Variants in RRBP1 observed in about 807,000 individuals in gnomAD.
RRBP1 encodes the protein ribosome binding protein 1.
In RRBP1, 94 loss-of-function variants were observed where a neutral mutation model predicts 165.2. The observed-to-expected ratio is 0.57, with a 90% CI of 0.48 to 0.68. RRBP1 has a LOEUF of 0.68. RRBP1 is among the 30% of genes least tolerant of loss of function. RRBP1 has a pLI of 0.00. For synonymous variants in RRBP1, 680 were observed against 714.5 expected (o/e 0.95, Z 0.77); for missense variants, 1,676 against 1,763.0 (o/e 0.95, Z 0.88).
rs2035763303 is a variant in RRBP1, at chr20:17,614,817, C to G, written c.4114G>C (p.Glu1372Gln). The change falls in exon 24 of 25, where the codon GAG becomes CAG. Residue 1372 changes from glutamate (E) to glutamine (Q), a missense_variant. Glu to Gln is a conservative substitution (Grantham distance 29, BLOSUM62 2). Transcript: ENST00000377813. Reference sequence around the variant, plus strand: ...TGCTCCTGGGTCGTCTTCAGAAGCTCCTGCAGTCTCGTGGCGGCGCGCCCC... The same window carrying G: ...TGCTCCTGGGTCGTCTTCAGAAGCTGCTGCAGTCTCGTGGCGGCGCGCCCC... ...DLGRAATRLQ[E>Q]LLKTTQEQLA... 6.2e-7 allele frequency: 1 copy of G among 1,613,772 alleles called. No individual in the cohort carries two copies.
chr20:17,618,641 A>T lies in RRBP1; in HGVS notation c.3714T>A (p.Asp1238Glu). 6.2e-7 allele frequency: 1 copy of T among 1,614,082 alleles called. No homozygotes were observed. ...QLLLESQSQLDAAKSEAQKQS... is the reference protein window; with the variant it reads ...QLLLESQSQLEAAKSEAQKQS... ...GTTTCTGGGCTTCGCTCTTGGCGGC[A>T]TCGAGCTGAGATTGAGATTCTAGGA... is the stretch of plus-strand genomic sequence containing the variant. The change falls in exon 20 of 25, where the codon GAT becomes GAA. Residue 1238 changes from aspartate (D) to glutamate (E), a missense_variant. Physicochemically the swap from Asp to Glu is conservative, Grantham distance 45. This residue lies in a region of RRBP1 where 1,184 missense variants were observed against 1,167.1 expected (regional missense o/e 1.01). Coordinates refer to ENST00000377813, the MANE Select transcript of RRBP1 (RefSeq NM_001365613.2).
At chr20:17,625,634 C>T (rs767188040) in intron 11 of RRBP1, 32 bp from the exon 12 acceptor site, 20 of 1,578,036 alleles carry the variant, frequency 1.3e-5, no homozygotes, top group Non-Finnish European at 1.6e-5. Flanking sequence ...ACCGCCTAGG[C>T]TCCAAGGGGC....
intron 2 of RRBP1, among the ~76,000 whole-genome samples, chr20:17,666,809 T>A (rs1339784962): frequency 6.6e-6 from 1 of 152,258 alleles, no homozygotes; most frequent in African/African-American, 2.4e-5. Flanking sequence ...TCAGGTTAAG[T>A]AGCATGTCTT....
In RRBP1 at chr20:17,619,708, A is replaced by C. The variant is rs1600725645; in HGVS notation, c.3600T>G (p.His1200Gln). The C allele has an allele frequency of 1.2e-6, 2 of 1,612,554 alleles. No individual in the cohort carries two copies. Among genetic ancestry groups the C allele is most frequent in the African/African-American group, 2.7e-5 (2 of 74,934 alleles). Reference sequence around the variant, plus strand: ...TGTGCTTTTCCAGCTCTGCCTCCAAATGCGACGTGTGCTCCCTCACCTGGA... The same window carrying C: ...TGTGCTTTTCCAGCTCTGCCTCCAACTGCGACGTGTGCTCCCTCACCTGGA... ...SSDQVREHTS[H>Q]LEAELEKHMA... The change falls in exon 19 of 25, where the codon CAT becomes CAG. Residue 1200 changes from histidine to glutamine, a missense_variant. Coordinates refer to ENST00000377813, the MANE Select transcript of RRBP1 (RefSeq NM_001365613.2).
At chr20:17,657,868 T>C (rs563463193) in intron 3 of RRBP1, among the ~76,000 whole-genome samples, 3 of 152,210 alleles carry the variant, frequency 2.0e-5, no homozygotes, top group Non-Finnish European at 4.4e-5. Context: ...AGAATGCAAC[T>C]GCTCCTTAAA....
chr20:17,659,511 C>G lies in RRBP1; in HGVS notation c.997G>C (p.Glu333Gln), dbSNP rs559042880. 1.0e-3 allele frequency: 1,603 copies of G among 1,547,086 alleles called. 18 individuals carry two copies. Among genetic ancestry groups the G allele is most frequent in the East Asian group, 5.7e-3 (230 of 40,550 alleles). The change falls in exon 3 of 25, where the codon GAG becomes CAG. Residue 333 changes from glutamate to glutamine, a missense_variant. Glu to Gln is a conservative substitution (Grantham distance 29, BLOSUM62 2). This residue lies in a region of RRBP1 where 78 missense variants were observed against 115.6 expected (regional missense o/e 0.67). Coordinates refer to ENST00000377813, the MANE Select transcript of RRBP1 (RefSeq NM_001365613.2). ...EGAQNQGKKAEGAQNQGKKAE... is the reference protein window; with the variant it reads ...EGAQNQGKKAQGAQNQGKKAE... ...TTCTTGCCCTGATTCTGGGCCCCCT[C>G]GGCCTTCTTGCCCTGGTTCTGGGCC...
intron 1 of RRBP1, among the ~76,000 whole-genome samples, chr20:17,681,693 G>T (rs2037192287): frequency 6.7e-6 from 1 of 150,136 alleles, no homozygotes; most frequent in African/African-American, 2.4e-5. Flanking sequence ...CGCGCTGGCC[G>T]GCCCGACGGC....
intron 9 of RRBP1, among the ~76,000 whole-genome samples, chr20:17,629,559 C>G (rs544002067): frequency 1.1e-4 from 16 of 152,022 alleles, no homozygotes; most frequent in Non-Finnish European, 2.2e-4. Flanking sequence ...CCTTGCCCCC[C>G]ACTTCTAGCC....
intron 13 of RRBP1, 79 bp downstream of exon 13, chr20:17,624,497 T>C: frequency 1.1e-6 from 1 of 928,216 alleles, no homozygotes; most frequent in Non-Finnish European, 1.7e-6. Context: ...GGTGTCCTAG[T>C]GCATCTGTAC....
intron 3 of RRBP1, among the ~76,000 whole-genome samples, chr20:17,648,888 A>G (rs528526505): frequency 1.3e-5 from 2 of 152,192 alleles, no homozygotes; most frequent in South Asian, 2.1e-4. Context: ...TTAAACAGCA[A>G]TTAGGACTCT....
chr20:17,666,449 T>A (rs2036869809), intron 2 of RRBP1, among the ~76,000 whole-genome samples: 1 of 152,242 alleles, frequency 6.6e-6, no homozygotes, highest in Non-Finnish European at 1.5e-5. Context: ...TTTTGTAAAC[T>A]ACTTCTTCTA....
intron 2 of RRBP1, among the ~76,000 whole-genome samples, chr20:17,660,878 A>G (rs2036753448): frequency 6.6e-6 from 1 of 152,222 alleles, no homozygotes; most frequent in Non-Finnish European, 1.5e-5. Context: ...GCACAAACAC[A>G]GGCCAGGTGT....
At chr20:17,671,400 G>A (rs1447283214) in intron 2 of RRBP1, among the ~76,000 whole-genome samples, 1 of 152,172 alleles carries the variant, frequency 6.6e-6, no homozygotes, top group East Asian at 1.9e-4. Context: ...TAGGATAAAG[G>A]TGCAGTCCTT....
At position 17,621,716 on chromosome 20, in the gene RRBP1, G is replaced by A. The variant is rs1337214510; in HGVS notation, c.3298C>T (p.Pro1100Ser). ...GAGGAGGGCTCCGCGGGAGCTGGCG[G>A]GTGCTTCAGCAGCGTGGGGCCTTTC... Reference protein sequence around the residue: ...KEKGPTLLKHPPAPAEPSSDL... With the variant: ...KEKGPTLLKHSPAPAEPSSDL... Residue 1100 changes from proline (P) to serine (S), a missense_variant, in exon 15 of 25, where the codon CCG (proline) becomes TCG (serine). Pro to Ser is a moderately conservative substitution (Grantham distance 74). Coordinates refer to ENST00000377813, the MANE Select transcript of RRBP1 (RefSeq NM_001365613.2). The A allele has an allele frequency of 6.2e-7, 1 of 1,613,778 alleles. No homozygotes were observed. Among genetic ancestry groups the A allele is most frequent in the South Asian group, 1.1e-5 (1 of 91,090 alleles).
chr20:17,621,536 GGAGGCCAGGTCCT>G lies in RRBP1; in HGVS notation c.3325-2_3335del. On this transcript the variant is annotated splice_acceptor_variant and coding_sequence_variant, in exon 16 of 25. Coordinates refer to ENST00000377813, the MANE Select transcript of RRBP1 (RefSeq NM_001365613.2). LOFTEE classifies it high-confidence loss of function. ...GCGTCTCCTCGGCCTCCCTCAACTT[GGAGGCCAGGTCCT>G]GAGAGAGGGAAGAACAGGTGTTTAG... 6.2e-7 allele frequency: 1 copy of G among 1,612,644 alleles called. No individual in the cohort carries two copies. Among genetic ancestry groups the G allele is most frequent in the Non-Finnish European group, 8.5e-7 (1 of 1,179,762 alleles).
chr20:17,635,763 A>AC, intron 6 of RRBP1, 99 bp from the exon 7 acceptor site: 1 of 889,694 alleles, frequency 1.1e-6, no homozygotes, highest in Non-Finnish European at 1.8e-6. Context: ...ACAAAAGAAA[A>AC]CCCCCAAAAG....
chr20:17,621,648 G>C (rs759299465), intron 15 of RRBP1, 42 bp downstream of exon 15: 4 of 1,603,158 alleles, frequency 2.5e-6, no homozygotes, highest in Non-Finnish European at 3.4e-6. Context: ...CCTGGGGACA[G>C]GGGAGCCCAA....
intron 2 of RRBP1, among the ~76,000 whole-genome samples, chr20:17,663,776 C>T (rs2036815554): frequency 6.6e-6 from 1 of 152,300 alleles, no homozygotes; most frequent in South Asian, 2.1e-4. Flanking sequence ...CTGAAATCCA[C>T]ACCATGATAA....
chr20:17,644,785 T>C (rs2036433639), intron 3 of RRBP1, among the ~76,000 whole-genome samples: 1 of 152,170 alleles, frequency 6.6e-6, no homozygotes, highest in African/African-American at 2.4e-5. Context: ...ATTTAGAAGA[T>C]TTGGTATGAA....
Sources: allele counts gnomAD v4.1 joint callset (sites outside exome capture counted in the v4.1 genomes callset), GRCh38; gene constraint gnomAD v4.1.1; regional missense constraint gnomAD v4.1.1; transcripts MANE v1.5; gene names NCBI Gene and HGNC (gene_info 2026-07-23, HGNC 2026-07-21).